Variants in PIGG observed in about 807,000 individuals in gnomAD.
PIGG encodes phosphatidylinositol glycan anchor biosynthesis class G (EMM blood group), also known as GPI ethanolamine phosphate transferase 2, catalytic subunit.
Under a neutral mutation model 83.2 loss-of-function variants are expected in PIGG, and 70 were observed. The observed-to-expected ratio is 0.84, with a 90% CI of 0.69 to 1.03. The LOEUF (loss-of-function observed/expected upper bound fraction) is 1.03. Among genes scored for constraint, PIGG ranks in the 50% least tolerant of loss-of-function variants. The pLI is 0.00. For synonymous variants in PIGG, 532 were observed against 519.5 expected, an observed-to-expected ratio of 1.02 and a Z score of -0.33; for missense variants, 1,257 against 1,233.6, an observed-to-expected ratio of 1.02 and a Z score of -0.28.
At position 539,601 on chromosome 4, in the gene PIGG, AGCTAT is replaced by A. The variant is rs1731580428; in HGVS notation, c.*234_*238del. The A allele has an allele frequency of 1.0e-5, 5 of 500,860 alleles. No homozygotes were observed. In the South Asian group the frequency reaches 1.3e-4, roughly 13 times the overall value. 31.0% of individuals were successfully genotyped at this position (500,860 alleles called of 1,614,324 possible). A position where few individuals can be genotyped will look rare whatever the true frequency, so the allele number is the denominator to read the frequency against. The stretch of plus-strand genomic sequence containing the variant: ...CTGAACTTTTAATTTCCTCTGAATA[AGCTAT>A]GGTGTGACCCAAATATGTGTGTTTA... On this transcript the variant is annotated 3_prime_UTR_variant, in exon 13 of 13. Transcript: ENST00000453061.
chr4:527,585 G>A, intron 10 of PIGG: 1 of 1,019,838 alleles, frequency 9.8e-7, no homozygotes, highest in Non-Finnish European at 1.2e-6. Flanking sequence ...GCACGTGATG[G>A]CCAGGGTTCT....
intron 2 of PIGG, among the ~76,000 whole-genome samples, chr4:504,367 G>A (rs529616855): frequency 6.6e-6 from 1 of 152,316 alleles, no homozygotes; most frequent in African/African-American, 2.4e-5. Context: ...GCTGCAGCGT[G>A]GAGCTGGAAA....
At position 526,964 on chromosome 4, in the gene PIGG, T is replaced by C. The variant is rs1175564442; in HGVS notation, c.2070-75T>C. 5 of 1,532,752 alleles carry C rather than the reference T, an allele frequency of 3.3e-6. No individual in the cohort carries two copies. In the African/African-American group the frequency reaches 6.9e-5, roughly 21 times the overall value. The allele number at this position is 1,532,752 out of a possible 1,614,324, so 94.9% of individuals were successfully genotyped here. A position where few individuals can be genotyped will look rare whatever the true frequency, so the allele number is the denominator to read the frequency against. On this transcript the variant is annotated intron_variant, in intron 9 of 12. Transcript: ENST00000453061. Reference sequence around the variant, plus strand: ...ATCAGCTATTTTTTAATACCGTTCTTTGAAAGCCACTTGGTGTAGATTGAT... The same window carrying C: ...ATCAGCTATTTTTTAATACCGTTCTCTGAAAGCCACTTGGTGTAGATTGAT...
chr4:537,589 C>T (rs903925132), intron 12 of PIGG, among the ~76,000 whole-genome samples: 1 of 152,146 alleles, frequency 6.6e-6, no homozygotes. Context: ...GGGCTGGATA[C>T]CAAGTGGTGA....
Position 507,411 on chromosome 4 carries a change from A to G in PIGG, c.577A>G (p.Asn193Asp), listed in dbSNP as rs902176017. The G allele has an allele frequency of 3.7e-6, 6 of 1,609,238 alleles. No homozygotes were observed. The highest frequency in any genetic ancestry group is 5.1e-6 in the Non-Finnish European group (6 of 1,176,360). The part of the protein sequence containing the change: ...FFVSDYTEVD[N>D]NVTRHLDKVL... ...GTGTGTTTCCCCTTCAAAGGTGGAT[A>G]ATAATGTCACGAGGCATTTGGATAA... Residue 193 changes from asparagine (N) to aspartate (D), a missense_variant, in exon 4 of 13, where the codon AAT becomes GAT. Physicochemically the swap from Asn to Asp is conservative, Grantham distance 23. Transcript: ENST00000453061.
Position 521,728 on chromosome 4 carries a change from G to A in PIGG, c.1401G>A (p.Leu467=). The A allele has an allele frequency of 1.2e-6, 2 of 1,614,164 alleles. No individual in the cohort carries two copies. Among genetic ancestry groups the A allele is most frequent in the South Asian group, 1.1e-5 (1 of 91,084 alleles). The change falls in exon 8 of 13, where the codon CTG becomes CTA. Residue 467 remains leucine, a synonymous_variant. Coordinates refer to ENST00000453061, the MANE Select transcript of PIGG (RefSeq NM_001127178.3). The part of the protein sequence containing the change: ...LRRKAELEVP[L]SSPGFSLLFY... ...GAAAGGCTGAGCTGGAAGTCCCACT[G>A]TCATCTCCTGGGTTTTCTCTGCTCT...
At chr4:499,709 T>C (rs781842223) in intron 1 of PIGG, 25 of 1,393,754 alleles carry the variant, frequency 1.8e-5, no homozygotes, top group Non-Finnish European at 2.3e-5. Flanking sequence ...TCGACCTTCC[T>C]TCCTGATCAC....
chr4:521,591 C>A, intron 7 of PIGG, 69 bp from the exon 8 acceptor site: 1 of 1,464,258 alleles, frequency 6.8e-7, no homozygotes. Flanking sequence ...AGAGCGGGAG[C>A]TGGGCTTATT....
At chr4:525,403 A>G in intron 9 of PIGG, 4 of 979,746 alleles carry the variant, frequency 4.1e-6, no homozygotes, top group Non-Finnish European at 4.8e-6. Context: ...CGGCGAGAGT[A>G]ACAGCAAGGG....
chr4:501,213 A>G (rs1553875735), intron 2 of PIGG: 1 of 452,274 alleles, frequency 2.2e-6, no homozygotes, highest in Non-Finnish European at 4.4e-6. Flanking sequence ...AGCAACGACT[A>G]TGTGGTGATA....
intron 9 of PIGG, among the ~76,000 whole-genome samples, chr4:526,310 C>T (rs1727589471): frequency 6.6e-6 from 1 of 152,232 alleles, no homozygotes; most frequent in Non-Finnish European, 1.5e-5. Flanking sequence ...TCCCCGTCAT[C>T]CTGGGAGGCT....
chr4:506,708 C>G, intron 3 of PIGG: 1 of 453,366 alleles, frequency 2.2e-6, no homozygotes, highest in Non-Finnish European at 4.4e-6. Flanking sequence ...GCTGACAGCT[C>G]TATTGGGGGC....
At chr4:504,124 A>G (rs139928202) in intron 2 of PIGG, among the ~76,000 whole-genome samples, 1 of 152,346 alleles carries the variant, frequency 6.6e-6, no homozygotes, top group East Asian at 1.9e-4. Context: ...TTGTTTGTAT[A>G]GTGAGTTCCT....
intron 3 of PIGG, 136 bp from the exon 4 acceptor site, chr4:507,269 T>A (rs1720046622): frequency 1.5e-6 from 1 of 663,100 alleles, no homozygotes; most frequent in Non-Finnish European, 2.7e-6. Flanking sequence ...ACATAGATTT[T>A]GTTGTGTTTC....
intron 11 of PIGG, chr4:531,710 G>A (rs1360343209): frequency 1.3e-5 from 2 of 152,444 alleles, no homozygotes; most frequent in Non-Finnish European, 2.9e-5. Context: ...ACAATGAGTA[G>A]GTGGCCAATG....
intron 4 of PIGG, among the ~76,000 whole-genome samples, chr4:508,369 A>G (rs1553881139): frequency 1.3e-5 from 2 of 152,224 alleles, no homozygotes; most frequent in African/African-American, 4.8e-5. Flanking sequence ...CGGAGCAGCA[A>G]AGGATGTGTG....
At chr4:501,677 C>T (rs2108756276) in intron 2 of PIGG, 1 of 154,206 alleles carries the variant, frequency 6.5e-6, no homozygotes, top group Middle Eastern at 3.4e-3. Context: ...ATATCACTCA[C>T]TGACTTTTTC....
intron 12 of PIGG, among the ~76,000 whole-genome samples, chr4:537,913 C>G (rs750383068): frequency 6.6e-6 from 1 of 152,192 alleles, no homozygotes; most frequent in Admixed American, 6.5e-5. Flanking sequence ...GAGCCACTTA[C>G]AGGACACCCT....
chr4:501,529 T>G (rs1271730188), intron 2 of PIGG: 3 of 178,476 alleles, frequency 1.7e-5, no homozygotes, highest in Middle Eastern at 2.4e-3. Context: ...GCCTTAGCTG[T>G]GTTGTTGATC....
Sources: gnomAD v4.1 joint callset for allele counts (sites outside exome capture counted in the v4.1 genomes callset) on GRCh38, gnomAD v4.1.1 for gene constraint, MANE v1.5 for transcripts, NCBI Gene and HGNC (gene_info 2026-07-23, HGNC 2026-07-21) for gene names.